The following TMEM201 variants were observed in gnomAD, a reference collection of about 807,000 sequenced individuals.
TMEM201 encodes the protein transmembrane protein 201.
Under a neutral mutation model 63.4 loss-of-function variants are expected in TMEM201, and 26 were observed. The ratio of observed to expected loss-of-function variants is 0.41; its 90% confidence interval spans 0.30 to 0.57. TMEM201 has a LOEUF of 0.57. Among genes scored for constraint, TMEM201 ranks in the 20% least tolerant of loss-of-function variants. The pLI, the probability that TMEM201 is intolerant of heterozygous loss-of-function variation, is 0.29. For missense variants in TMEM201, 794 were observed against 917.7 expected, an observed-to-expected ratio of 0.87 and a Z score of 1.74; for synonymous variants, 417 against 421.6, an observed-to-expected ratio of 0.99 and a Z score of 0.14.
chr1:9,607,900 C>A lies in TMEM201; in HGVS notation c.1393+111C>A. The A allele has an allele frequency of 3.0e-6, 3 of 1,008,334 alleles. No homozygotes were observed. The highest frequency in any genetic ancestry group is 4.3e-6 in the Non-Finnish European group (3 of 696,980). 62.5% of individuals were successfully genotyped at this position (1,008,334 alleles called of 1,614,324 possible). ...CCGGGAGTGGTTAGTGTTCCTGCTG[C>A]AGAGACAGGCAGCACAGAGCTTTGA... On this transcript the variant is annotated intron_variant, in intron 7 of 10. Coordinates refer to ENST00000340381, the MANE Select transcript of TMEM201 (RefSeq NM_001130924.3). The surrounding 1 kb of genome is among the most constrained non-coding windows in gnomAD (Gnocchi z 5.4).
At position 9,589,505 on chromosome 1, in the gene TMEM201, G is replaced by A. The variant is rs190500623; in HGVS notation, c.113+462G>A. On this transcript the variant is annotated intron_variant, in intron 1 of 10. Coordinates refer to ENST00000340381, the MANE Select transcript of TMEM201 (RefSeq NM_001130924.3). ...CTTACGCTAGAGCAGCTGAGGGACA[G>A]GGAGGCTCAGTAACTTGCTGTTAAT... is the stretch of plus-strand genomic sequence containing the variant. Among the ~76,000 whole-genome samples the A allele has an allele frequency of 2.6e-3, 392 of 152,388 alleles. 2 individuals are homozygous for A. Among genetic ancestry groups the A allele is most frequent in the African/African-American group, 9.0e-3 (376 of 41,598 alleles).
chr1:9,612,712 A>T (rs1202102369), intron 10 of TMEM201, among the ~76,000 whole-genome samples: 1 of 152,016 alleles, frequency 6.6e-6, no homozygotes, highest in East Asian at 1.9e-4. Flanking sequence ...CTGCCTCATC[A>T]CCCAGGCCCC....
chr1:9,596,134 T>C, intron 2 of TMEM201, 124 bp downstream of exon 2: 1 of 1,264,242 alleles, frequency 7.9e-7, no homozygotes. Context: ...CCTCATACCC[T>C]GTCCTCTCCA....
intron 6 of TMEM201, chr1:9,602,825 C>G (rs1052185862): frequency 1.0e-6 from 1 of 986,770 alleles, no homozygotes; most frequent in Non-Finnish European, 1.2e-6. Context: ...GGTCTGTCCC[C>G]TTGGTCCTGC....
chr1:9,612,017 A>G (rs1644331177), intron 10 of TMEM201, 127 bp downstream of exon 10: 7 of 1,151,024 alleles, frequency 6.1e-6, no homozygotes, highest in Non-Finnish European at 8.3e-6. Flanking sequence ...AGTGGCCGAC[A>G]AGTAACCCAC....
chr1:9,596,050 G>A (rs991976394), intron 2 of TMEM201, 40 bp downstream of exon 2: 2 of 1,601,316 alleles, frequency 1.2e-6, no homozygotes, highest in African/African-American at 1.3e-5. Flanking sequence ...GCACGCGGGG[G>A]TGGGGATCTT....
In TMEM201 at chr1:9,610,810, G is replaced by A. The variant is rs991609231; in HGVS notation, c.1765+5G>A. ...AGGACGTGAAGCACGCCCTGGGTAC[G>A]GCCTTCTGACCACCCCAAGGGGCCG... On this transcript the variant is annotated splice_donor_5th_base_variant and intron_variant, in intron 9 of 10. Transcript: ENST00000340381. The surrounding 1 kb of genome is among the most constrained non-coding windows in gnomAD (Gnocchi z 4.9). 3.3e-6 allele frequency: 5 copies of A among 1,534,118 alleles called. No individual in the cohort carries two copies. The highest frequency in any genetic ancestry group is 2.5e-5 in the East Asian group (1 of 40,648).
At chr1:9,611,917 AG>A (rs1413303593) in intron 10 of TMEM201, 27 bp downstream of exon 10, 6 of 830,406 alleles carry the variant, frequency 7.2e-6, no homozygotes, top group Non-Finnish European at 1.1e-5. Flanking sequence ...GCGGGAGGGG[AG>A]GGGGTGGGCA....
intron 4 of TMEM201, among the ~76,000 whole-genome samples, chr1:9,600,646 C>A (rs1433137387): frequency 1.3e-5 from 2 of 152,070 alleles, no homozygotes; most frequent in East Asian, 3.9e-4. Flanking sequence ...TGGCTGGGCG[C>A]GGTGGCTCAC....
At chr1:9,596,068 G>T in intron 2 of TMEM201, 58 bp downstream of exon 2, 1 of 1,587,122 alleles carries the variant, frequency 6.3e-7, no homozygotes, top group Non-Finnish European at 8.5e-7. Flanking sequence ...CTTGAGATTT[G>T]CACCTTGAGA....
intron 7 of TMEM201, among the ~76,000 whole-genome samples, chr1:9,609,411 A>G (rs1162471045): frequency 1.3e-5 from 2 of 152,218 alleles, no homozygotes; most frequent in African/African-American, 4.8e-5. Flanking sequence ...GAGAACAGGC[A>G]GTTGGGGTCT....
Position 9,613,010 on chromosome 1 carries a change from G to C in TMEM201, c.1928G>C (p.Arg643Pro). The C allele has an allele frequency of 6.4e-7, 1 of 1,551,422 alleles. No individual in the cohort carries two copies. Among genetic ancestry groups the C allele is most frequent in the Non-Finnish European group, 8.7e-7 (1 of 1,146,940 alleles). Residue 643 changes from arginine (R) to proline (P), a missense_variant, in exon 11 of 11, where the codon CGG becomes CCG. Transcript: ENST00000340381. The stretch of plus-strand genomic sequence containing the variant: ...GGTCGTTTCGGCCCTTCCCTGGTCC[G>C]GGGCCTCCTGGCCGTGAGCTTGGCC... ...WRGRFGPSLV[R>P]GLLAVSLAAN...
chr1:9,593,100 G>C (rs529034121), intron 1 of TMEM201, among the ~76,000 whole-genome samples: 10 of 152,224 alleles, frequency 6.6e-5, no homozygotes, highest in African/African-American at 2.4e-4. Flanking sequence ...AAACTTGGGG[G>C]CTTCTCCCAG....
rs531362612 is a variant in TMEM201 at position 9,603,789 on chromosome 1, A to G, written c.1160+1517A>G. The G allele has an allele frequency of 2.8e-5, 28 of 985,356 alleles. No individual in the cohort carries two copies. Among genetic ancestry groups the G allele is most frequent in the Non-Finnish European group, 3.4e-5 (28 of 829,960 alleles). The allele number at this position is 985,356 out of a possible 1,614,324, so 61.0% of individuals were successfully genotyped here. On this transcript the variant is annotated intron_variant, in intron 6 of 10. Transcript: ENST00000340381. This position sits in a 1 kb window ranked among gnomAD's most constrained non-coding sequence, Gnocchi z 4.5. Reference sequence around the variant, plus strand: ...CTTCACAAGTGAGGAACCCAGGTGCATCGGGAGACCCTCGGGGGCTTCTGT... The same window carrying G: ...CTTCACAAGTGAGGAACCCAGGTGCGTCGGGAGACCCTCGGGGGCTTCTGT...
intron 4 of TMEM201, among the ~76,000 whole-genome samples, chr1:9,600,344 C>T (rs1461427450): frequency 6.6e-6 from 1 of 152,158 alleles, no homozygotes; most frequent in Non-Finnish European, 1.5e-5. Flanking sequence ...TGGCCCTGTG[C>T]AAGTTTCTCA....
chr1:9,598,906 C>T (rs1414136359), intron 4 of TMEM201, among the ~76,000 whole-genome samples: 3 of 151,686 alleles, frequency 2.0e-5, no homozygotes, highest in African/African-American at 7.3e-5. Flanking sequence ...GCCTTGGCCT[C>T]CCAAAGTTCT....
At chr1:9,597,406 G>C (rs1266836478) in intron 3 of TMEM201, among the ~76,000 whole-genome samples, 2 of 152,238 alleles carry the variant, frequency 1.3e-5, no homozygotes, top group Admixed American at 6.5e-5. Flanking sequence ...GTTCCAGGTG[G>C]GGCCCTGTTG....
chr1:9,594,309 G>C (rs1046441962), intron 1 of TMEM201, among the ~76,000 whole-genome samples: 12 of 152,306 alleles, frequency 7.9e-5, no homozygotes, highest in African/African-American at 2.9e-4. Context: ...CTTGTCCTCT[G>C]TGAGGGCTTG....
chr1:9,592,526 C>G (rs1643938286), intron 1 of TMEM201, among the ~76,000 whole-genome samples: 1 of 152,152 alleles, frequency 6.6e-6, no homozygotes. Flanking sequence ...CAGGTTCCCC[C>G]TACCTGGTGC....
Sources: allele counts gnomAD v4.1 joint callset (sites outside exome capture counted in the v4.1 genomes callset), GRCh38; gene constraint gnomAD v4.1.1; non-coding constraint Gnocchi (gnomAD v3.1); transcripts MANE v1.5; gene names NCBI Gene and HGNC (gene_info 2026-07-23, HGNC 2026-07-21).